Variants in INTU observed in about 807,000 individuals in gnomAD.
The protein encoded by INTU is protein inturned.
In INTU, 68 loss-of-function variants were observed where a neutral mutation model predicts 100.5. The observed-to-expected ratio is 0.68, with a 90% CI of 0.56 to 0.83. The LOEUF (loss-of-function observed/expected upper bound fraction) is 0.83, where lower values mean the gene tolerates loss of function less well. Among genes scored for constraint, INTU ranks in the 40% least tolerant of loss-of-function variants. The pLI is 0.00. For missense variants in INTU, 1,071 were observed against 1,114.7 expected (o/e 0.96, Z 0.56); for synonymous variants, 357 against 395.7 (o/e 0.90, Z 1.16).
intron 2 of INTU, among the ~76,000 whole-genome samples, chr4:127,651,650 G>C (rs1441323720): frequency 6.6e-6 from 1 of 152,058 alleles, no homozygotes; most frequent in African/African-American, 2.4e-5. Flanking sequence ...AGTCAGGTAG[G>C]GTGATGCCTA....
At position 127,717,505 on chromosome 4, in the gene INTU, G is replaced by C. The variant is rs1731285880; in HGVS notation, c.*1069G>C. On this transcript the variant is annotated 3_prime_UTR_variant, in exon 16 of 16. Coordinates refer to ENST00000335251, the MANE Select transcript of INTU (RefSeq NM_015693.4). The stretch of plus-strand genomic sequence containing the variant: ...TTATATTACTTTGAGTATAAACCCA[G>C]TAATGGGATTGCTGGGTCAAATGGC... 1 of 152,206 alleles carries C rather than the reference G, an allele frequency of 6.6e-6. No individual in the cohort carries two copies. The highest frequency in any genetic ancestry group is 1.5e-5 in the Non-Finnish European group (1 of 68,042). 9.4% of individuals were successfully genotyped at this position (152,206 alleles called of 1,614,324 possible). A position where few individuals can be genotyped will look rare whatever the true frequency, so the allele number is the denominator to read the frequency against.
intron 1 of INTU, among the ~76,000 whole-genome samples, chr4:127,641,219 A>G (rs1470978026): frequency 6.6e-6 from 1 of 152,166 alleles, no homozygotes; most frequent in Non-Finnish European, 1.5e-5. Flanking sequence ...GCCAAAGTAG[A>G]CCTATCCAGG....
Position 127,714,098 on chromosome 4 carries a change from G to C in INTU, c.2717+5G>C. 1 of 1,597,880 alleles carries C rather than the reference G, an allele frequency of 6.3e-7. No individual in the cohort carries two copies. Among genetic ancestry groups the C allele is most frequent in the South Asian group, 1.1e-5 (1 of 87,632 alleles). ...TATGGCTTACTGGGTAGTAGGGTAA[G>C]TGAGAAAAAAAAGTATTTGAAAGTA... On this transcript the variant is annotated splice_donor_5th_base_variant and intron_variant, in intron 15 of 15. Coordinates refer to ENST00000335251, the MANE Select transcript of INTU (RefSeq NM_015693.4).
At position 127,674,225 on chromosome 4, in the gene INTU, T is replaced by A; in HGVS notation, c.1181+12T>A. 1 of 1,582,542 alleles carries A rather than the reference T, an allele frequency of 6.3e-7. No homozygotes were observed. Among genetic ancestry groups the A allele is most frequent in the Non-Finnish European group, 8.6e-7 (1 of 1,157,410 alleles). ...CTGCCTGCTGAAGAGTAAGTTGAGG[T>A]TTTGCTTACCTTAAAATCATTTCCA... is the stretch of plus-strand genomic sequence containing the variant. On this transcript the variant is annotated intron_variant, in intron 6 of 15. Coordinates refer to ENST00000335251, the MANE Select transcript of INTU (RefSeq NM_015693.4).
chr4:127,666,953 G>A (rs1728724247), intron 4 of INTU, among the ~76,000 whole-genome samples: 1 of 152,060 alleles, frequency 6.6e-6, no homozygotes, highest in Non-Finnish European at 1.5e-5. Flanking sequence ...GGCAAAGAAG[G>A]AATTTACTTA....
chr4:127,714,148 G>A (rs1263595514), intron 15 of INTU, 55 bp downstream of exon 15: 7 of 1,423,126 alleles, frequency 4.9e-6, no homozygotes, highest in Non-Finnish European at 6.8e-6. Flanking sequence ...TGAAAGAAAA[G>A]TGGTAAAGGA....
chr4:127,697,395 TA>T (rs1235052970), intron 8 of INTU, among the ~76,000 whole-genome samples: 1 of 152,174 alleles, frequency 6.6e-6, no homozygotes, highest in African/African-American at 2.4e-5. Context: ...AATATTTTTT[TA>T]AATTTGACTC....
intron 6 of INTU, among the ~76,000 whole-genome samples, chr4:127,674,662 A>G (rs896238696): frequency 6.6e-6 from 1 of 152,196 alleles, no homozygotes; most frequent in Non-Finnish European, 1.5e-5. Flanking sequence ...CTAATGGTAC[A>G]TCTTATATTA....
Position 127,698,278 on chromosome 4 carries a change from C to T in INTU, c.1450-1732C>T, listed in dbSNP as rs185639054. 5.3e-5 allele frequency among the ~76,000 whole-genome samples: 8 copies of T among 152,048 alleles called. No homozygotes were observed. In the South Asian group the frequency reaches 6.2e-4, roughly 12 times the overall value. On this transcript the variant is annotated intron_variant, in intron 8 of 15. Coordinates refer to ENST00000335251, the MANE Select transcript of INTU (RefSeq NM_015693.4). ...GAGTTCGAGACCATCCTGGCTAACA[C>T]GGTGAAACCCCATCTCTACTAAAAA...
At chr4:127,700,641 T>C (rs960159298) in intron 9 of INTU, among the ~76,000 whole-genome samples, 1 of 152,036 alleles carries the variant, frequency 6.6e-6, no homozygotes, top group East Asian at 1.9e-4. Flanking sequence ...CAAAAATTAA[T>C]AGGGTTATAG....
chr4:127,653,558 G>C (rs1252882327), intron 2 of INTU, among the ~76,000 whole-genome samples: 8 of 152,212 alleles, frequency 5.3e-5, no homozygotes, highest in African/African-American at 1.9e-4. Context: ...ATCCTGAGTT[G>C]TAGTTTGATT....
At chr4:127,670,352 G>A (rs1728866973) in intron 5 of INTU, among the ~76,000 whole-genome samples, 1 of 151,514 alleles carries the variant, frequency 6.6e-6, no homozygotes, top group Non-Finnish European at 1.5e-5. Context: ...TTTTAAAAGA[G>A]GTAGAATCTA....
rs1729887593 is a variant in INTU, at chr4:127,687,690, G to C, written c.1272G>C (p.Gln424His). 8.7e-6 allele frequency: 14 copies of C among 1,610,560 alleles called. No homozygotes were observed. The highest frequency in any genetic ancestry group is 1.7e-5 in the Admixed American group (1 of 59,854). ...MYGSLDSAFC[Q>H]IENVPRLDHF... ...CTTATTTCTCCAGTGCCTTTTGCCA[G>C]ATTGAGAATGTTCCTCGTTTGGATC... The change falls in exon 8 of 16, where the codon CAG (glutamine) becomes CAC (histidine). Residue 424 changes from glutamine to histidine, a missense_variant. Physicochemically the swap from Gln to His is conservative, Grantham distance 24. Transcript: ENST00000335251.
At chr4:127,664,124 T>C (rs573460088) in intron 4 of INTU, among the ~76,000 whole-genome samples, 63 of 152,256 alleles carry the variant, frequency 4.1e-4, no homozygotes, top group South Asian at 1.7e-3. Flanking sequence ...TTCCATAGGT[T>C]GTAAATAGTT....
chr4:127,706,968 A>G lies in INTU; in HGVS notation c.2270A>G (p.Lys757Arg). The change falls in exon 12 of 16, where the codon AAG becomes AGG. Residue 757 changes from lysine (K) to arginine (R), a missense_variant and splice_region_variant. Coordinates refer to ENST00000335251, the MANE Select transcript of INTU (RefSeq NM_015693.4). ...DGLEESGTLL[K>R]VTKKKSTLPN... ...TTAGAAGAAAGTGGGACCTTGCTTA[A>G]GGTGTGTGCTTATTCAAGTGTGTAT... is the stretch of plus-strand genomic sequence containing the variant. 1 of 1,610,496 alleles carries G rather than the reference A, an allele frequency of 6.2e-7. No individual in the cohort carries two copies. Among genetic ancestry groups the G allele is most frequent in the East Asian group, 2.2e-5 (1 of 44,828 alleles).
chr4:127,644,101 G>C, intron 2 of INTU, 45 bp downstream of exon 2: 2 of 1,548,098 alleles, frequency 1.3e-6, no homozygotes, highest in East Asian at 2.3e-5. Flanking sequence ...CAGAGATCTT[G>C]ATTAATGATG....
At chr4:127,654,081 C>CT (rs1728054428) in intron 2 of INTU, among the ~76,000 whole-genome samples, 1 of 150,322 alleles carries the variant, frequency 6.7e-6, no homozygotes, top group Admixed American at 6.6e-5. Context: ...CTTGGTAGAT[C>CT]TTCCTCCATC....
At position 127,706,550 on chromosome 4, in the gene INTU, C is replaced by A; in HGVS notation, c.1852C>A (p.Pro618Thr). 7 of 1,613,878 alleles carry A rather than the reference C, an allele frequency of 4.3e-6. No homozygotes were observed. The highest frequency in any genetic ancestry group is 1.3e-5 in the African/African-American group (1 of 75,002). Reference sequence around the variant, plus strand: ...TTGCGCATCCAAAGCTATTGGGAGTCCTGGACCAGACTGTGTATATGTGGA... The same window carrying A: ...TTGCGCATCCAAAGCTATTGGGAGTACTGGACCAGACTGTGTATATGTGGA... ...GGCASKAIGS[P>T]GPDCVYVDQV... The change falls in exon 12 of 16, where the codon CCT becomes ACT. Residue 618 changes from proline (P) to threonine (T), a missense_variant. Transcript: ENST00000335251.
chr4:127,660,680 A>C (rs550570642), intron 3 of INTU, among the ~76,000 whole-genome samples: 16 of 152,330 alleles, frequency 1.1e-4, no homozygotes, highest in African/African-American at 3.6e-4. Flanking sequence ...AGACTTTGGA[A>C]GTGATGAGTC....
Sources: gnomAD v4.1 joint callset for allele counts (sites outside exome capture counted in the v4.1 genomes callset) on GRCh38, gnomAD v4.1.1 for gene constraint, MANE v1.5 for transcripts, NCBI Gene and HGNC (gene_info 2026-07-23, HGNC 2026-07-21) for gene names.